The following CLVS1 variants were observed in gnomAD, a reference collection of about 807,000 sequenced individuals.
CLVS1 encodes the protein clavesin 1, also known as clavesin-1.
A neutral mutation model predicts 33.1 loss-of-function variants in CLVS1; 10 were observed. The ratio of observed to expected loss-of-function variants is 0.30; its 90% CI spans 0.19 to 0.51. The LOEUF (loss-of-function observed/expected upper bound fraction) is 0.51, where lower values mean the gene tolerates loss of function less well. CLVS1 is among the 20% of genes least tolerant of loss of function. The pLI is 0.97. For missense variants in CLVS1, 343 were observed against 433.4 expected, an observed-to-expected ratio of 0.79 and a Z score of 1.85; for synonymous variants, 163 against 166.1, an observed-to-expected ratio of 0.98 and a Z score of 0.14.
At chr8:61,256,114 C>T (rs1809075849) in intron 2 of CLVS1, among the ~76,000 whole-genome samples, 1 of 152,174 alleles carries the variant, frequency 6.6e-6, no homozygotes, top group African/African-American at 2.4e-5. Context: ...AACAATAACT[C>T]CCAATTCCCC....
At chr8:61,090,136 C>CAAA (rs1805207945) in intron 1 of CLVS1, among the ~76,000 whole-genome samples, 1 of 152,162 alleles carries the variant, frequency 6.6e-6, no homozygotes, top group Non-Finnish European at 1.5e-5. Context: ...CAACTTTTTC[C>CAAA]TGTAAGGAGA....
intron 3 of CLVS1, among the ~76,000 whole-genome samples, chr8:61,385,654 C>G (rs1452296827): frequency 6.6e-6 from 1 of 152,226 alleles, no homozygotes; most frequent in Non-Finnish European, 1.5e-5. Flanking sequence ...GTCATGAAAA[C>G]TATCACTTTT....
rs370385906 is a variant in CLVS1 at position 61,341,570 on chromosome 8, C to A, written c.456-35035C>A. Among the ~76,000 whole-genome samples the A allele has an allele frequency of 2.1e-3, 319 of 152,318 alleles. 2 individuals carry two copies. Among genetic ancestry groups the A allele is most frequent in the African/African-American group, 7.1e-3 (294 of 41,574 alleles). ...CTTGACACCCACCATCCGGTTTCTT[C>A]ATTCTGGTGGGCCCTGTCTTCCTGG... On this transcript the variant is annotated intron_variant, in intron 2 of 5. Coordinates refer to ENST00000325897, the MANE Select transcript of CLVS1 (RefSeq NM_173519.3).
the CLVS1 span, among the ~76,000 whole-genome samples, chr8:61,026,032 C>T: frequency 6.6e-6 from 1 of 151,966 alleles, no homozygotes; most frequent in South Asian, 2.1e-4. Context: ...CCCCCCTTCC[C>T]TCCCCCTGCT....
the CLVS1 span, among the ~76,000 whole-genome samples, chr8:61,052,058 G>A: frequency 6.6e-6 from 1 of 152,234 alleles, no homozygotes; most frequent in Non-Finnish European, 1.5e-5. Flanking sequence ...CCATCAGTGA[G>A]GGGGACTCAG....
intron 2 of CLVS1, among the ~76,000 whole-genome samples, chr8:61,148,648 G>T (rs1806463418): frequency 6.6e-6 from 1 of 152,224 alleles, no homozygotes; most frequent in Non-Finnish European, 1.5e-5. Flanking sequence ...GTTGATACCA[G>T]TGTGGTGTCC....
chr8:61,024,618 T>A, the CLVS1 span, among the ~76,000 whole-genome samples: 1 of 152,094 alleles, frequency 6.6e-6, no homozygotes, highest in Non-Finnish European at 1.5e-5. Context: ...CCTCTCTCTC[T>A]CCCCCCAGTC....
chr8:61,215,545 A>G (rs555415820), intron 2 of CLVS1, among the ~76,000 whole-genome samples: 5 of 151,876 alleles, frequency 3.3e-5, no homozygotes, highest in Non-Finnish European at 5.9e-5. Context: ...TACTATGATT[A>G]TGGAGAAAAA....
intron 5 of CLVS1, among the ~76,000 whole-genome samples, chr8:61,470,710 A>G (rs1817703136): frequency 6.6e-6 from 1 of 152,246 alleles, no homozygotes; most frequent in Non-Finnish European, 1.5e-5. Flanking sequence ...TTGACATAAT[A>G]TATGGTAGAA....
rs575504711 is a variant in CLVS1, at chr8:61,401,315, G to A, written c.630+24536G>A. Among the ~76,000 whole-genome samples, 111 of 152,078 alleles carry A rather than the reference G, an allele frequency of 7.3e-4. 1 individual carries two copies. The Middle Eastern group carries it at 0.02, about 28-fold the overall frequency. On this transcript the variant is annotated intron_variant, in intron 3 of 5. Transcript: ENST00000325897. ...CCTGGAGAGAACAATGTTGAACAGA[G>A]GTAGTGAGAATAGACATTCTTGTCT...
chr8:61,073,517 A>T (rs1804840485), intron 1 of CLVS1, among the ~76,000 whole-genome samples: 1 of 152,172 alleles, frequency 6.6e-6, no homozygotes, highest in Non-Finnish European at 1.5e-5. Flanking sequence ...CTGTTTGTTC[A>T]TTCACTTATT....
rs572286374 is a variant in CLVS1, at chr8:61,253,395, C to T, written c.-151-46282C>T. 2.6e-3 allele frequency among the ~76,000 whole-genome samples: 394 copies of T among 152,172 alleles called. 2 individuals carry two copies. Among genetic ancestry groups the T allele is most frequent in the Non-Finnish European group, 4.5e-3 (303 of 67,998 alleles). ...AACTTTGGTGAATCTGACAATTATA[C>T]GTCTTGGAGTTGCTCTTCTCGAGGA... is the stretch of plus-strand genomic sequence containing the variant. On this transcript the variant is annotated intron_variant, in intron 2 of 2. Transcript: ENST00000522621.
intron 3 of CLVS1, among the ~76,000 whole-genome samples, chr8:61,437,374 A>T (rs539431576): frequency 6.6e-6 from 1 of 152,366 alleles, no homozygotes; most frequent in South Asian, 2.1e-4. Flanking sequence ...AGAAACCACA[A>T]ACAAATTTAA....
chr8:61,169,488 C>T (rs555763707), intron 2 of CLVS1, among the ~76,000 whole-genome samples: 1 of 152,286 alleles, frequency 6.6e-6, no homozygotes, highest in Admixed American at 6.5e-5. Flanking sequence ...TGTCTGTGCT[C>T]AGACAGGCTG....
intron 5 of CLVS1, among the ~76,000 whole-genome samples, chr8:61,480,166 G>T (rs924839881): frequency 6.6e-6 from 1 of 151,942 alleles, no homozygotes; most frequent in Non-Finnish European, 1.5e-5. Flanking sequence ...GTTTGTCTGT[G>T]CCCTGCCCCC....
At chr8:61,429,363 T>G (rs1228482726) in intron 3 of CLVS1, among the ~76,000 whole-genome samples, 1 of 140,982 alleles carries the variant, frequency 7.1e-6, no homozygotes, top group African/African-American at 2.7e-5. Flanking sequence ...GAGGTTGCTG[T>G]GAGCTGAGAT....
At chr8:61,376,968 T>C in intron 3 of CLVS1, 189 bp downstream of exon 3, 1 of 532,024 alleles carries the variant, frequency 1.9e-6, no homozygotes, top group Non-Finnish European at 3.3e-6. Context: ...TCATTTTCAT[T>C]AATAACTCCA....
intron 2 of CLVS1, among the ~76,000 whole-genome samples, chr8:61,259,333 T>C (rs1237723477): frequency 1.3e-5 from 2 of 152,174 alleles, no homozygotes; most frequent in Non-Finnish European, 2.9e-5. Context: ...TATTGCACCA[T>C]GGTACATTCA....
At chr8:61,061,011 G>T (rs925110932) in intron 1 of CLVS1, among the ~76,000 whole-genome samples, 1 of 152,178 alleles carries the variant, frequency 6.6e-6, no homozygotes, top group African/African-American at 2.4e-5. Flanking sequence ...CTCCTCAGCT[G>T]CAGACTTGAT....
Sources: gnomAD v4.1 joint callset for allele counts (sites outside exome capture counted in the v4.1 genomes callset) on GRCh38, gnomAD v4.1.1 for gene constraint, MANE v1.5 for transcripts, NCBI Gene and HGNC (gene_info 2026-07-23, HGNC 2026-07-21) for gene names.